The following LHFPL3 variants were observed in gnomAD, a reference collection of about 807,000 sequenced individuals.
LHFPL3 encodes the protein LHFPL tetraspan subfamily member 3.
A neutral mutation model predicts 19.3 loss-of-function variants in LHFPL3; 5 were observed. That is an observed-to-expected ratio of 0.26 (90% CI 0.14 to 0.54). The LOEUF (loss-of-function observed/expected upper bound fraction) is 0.54. Ranked by LOEUF, LHFPL3 falls within the 20% of genes least tolerant of loss-of-function variation. The pLI is 0.94. For missense variants in LHFPL3, 249 were observed against 307.4 expected (o/e 0.81, Z 1.42); for synonymous variants, 133 against 126.2 (o/e 1.05, Z -0.36).
At chr7:104,754,538 G>A (rs1239217846) in intron 2 of LHFPL3, among the ~76,000 whole-genome samples, 4 of 152,182 alleles carry the variant, frequency 2.6e-5, no homozygotes, top group Admixed American at 2.0e-4. Flanking sequence ...GCTTCTTCGT[G>A]TGTAAAATAT....
At position 104,724,572 on chromosome 7, in the gene LHFPL3, C is replaced by T. The variant is rs373613347; in HGVS notation, c.446-12103C>T. On this transcript the variant is annotated intron_variant, in intron 1 of 2. Coordinates refer to ENST00000424859, the MANE Select transcript of LHFPL3 (RefSeq NM_199000.3). The stretch of plus-strand genomic sequence containing the variant: ...ACTAAATGATGAGAACACATGGACA[C>T]ATACAGTGGAACGACACACACTGGG... Among the ~76,000 whole-genome samples the T allele has an allele frequency of 8.3e-4, 127 of 152,170 alleles. 2 individuals carry two copies. In the South Asian group the frequency reaches 0.018, roughly 21 times the overall value.
chr7:104,770,155 G>A (rs910001219), intron 2 of LHFPL3, among the ~76,000 whole-genome samples: 3 of 152,100 alleles, frequency 2.0e-5, no homozygotes, highest in Non-Finnish European at 2.9e-5. Context: ...CTCTTACAGA[G>A]TTATCAAGGA....
At position 104,640,696 on chromosome 7, in the gene LHFPL3, G is replaced by A. The variant is rs530166725; in HGVS notation, c.446-95979G>A. ...TAATGATCGCCGTTCTAACTGATGC[G>A]AGATGGTATCTCATTGTGGTTTTGA... On this transcript the variant is annotated intron_variant, in intron 1 of 2. Coordinates refer to ENST00000424859, the MANE Select transcript of LHFPL3 (RefSeq NM_199000.3). 3.9e-5 allele frequency among the ~76,000 whole-genome samples: 6 copies of A among 152,252 alleles called. No homozygotes were observed. The South Asian group carries it at 6.2e-4, about 16-fold the overall frequency.
chr7:104,721,762 T>C (rs542814508), intron 1 of LHFPL3, among the ~76,000 whole-genome samples: 1 of 152,316 alleles, frequency 6.6e-6, no homozygotes, highest in African/African-American at 2.4e-5. Flanking sequence ...AAATTCCTCT[T>C]TGCAGAAACT....
At chr7:104,423,582 G>A (rs762635562) in intron 1 of LHFPL3, among the ~76,000 whole-genome samples, 2 of 152,166 alleles carry the variant, frequency 1.3e-5, no homozygotes, top group Admixed American at 1.3e-4. Flanking sequence ...GATCACTTGA[G>A]CCCAGGAAGT....
intron 2 of LHFPL3, among the ~76,000 whole-genome samples, chr7:104,848,898 T>TG (rs1211122107): frequency 1.3e-5 from 2 of 151,802 alleles, no homozygotes; most frequent in African/African-American, 4.8e-5. Flanking sequence ...TTTGTTTTTT[T>TG]GGTTTTTTTT....
chr7:104,850,975 G>C (rs1196828589), intron 2 of LHFPL3, among the ~76,000 whole-genome samples: 1 of 152,150 alleles, frequency 6.6e-6, no homozygotes, highest in Non-Finnish European at 1.5e-5. Context: ...TCTGATGTGG[G>C]AGACCCACAG....
chr7:104,642,881 T>C (rs1256511356), intron 1 of LHFPL3, among the ~76,000 whole-genome samples: 1 of 152,262 alleles, frequency 6.6e-6, no homozygotes, highest in Non-Finnish European at 1.5e-5. Context: ...CAGCACCTGC[T>C]TCTTGAGCTG....
chr7:104,713,917 A>AC (rs1352419943), intron 1 of LHFPL3, among the ~76,000 whole-genome samples: 14 of 151,548 alleles, frequency 9.2e-5, no homozygotes, highest in Non-Finnish European at 1.8e-4. Context: ...AGTTTCCAAA[A>AC]CCCCCCTCAG....
intron 1 of LHFPL3, among the ~76,000 whole-genome samples, chr7:104,457,961 TG>T (rs1339263956): frequency 6.9e-6 from 1 of 144,244 alleles, no homozygotes; most frequent in African/African-American, 2.6e-5. Context: ...TTGATGGGGT[TG>T]TTTGTTTTTT....
intron 2 of LHFPL3, among the ~76,000 whole-genome samples, chr7:104,788,834 T>C (rs1300113641): frequency 6.6e-6 from 1 of 152,124 alleles, no homozygotes; most frequent in Admixed American, 6.5e-5. Flanking sequence ...GTTCCCTCTC[T>C]CACTCCTCAA....
At chr7:104,547,941 T>C (rs1213800735) in intron 1 of LHFPL3, among the ~76,000 whole-genome samples, 1 of 152,170 alleles carries the variant, frequency 6.6e-6, no homozygotes, top group Non-Finnish European at 1.5e-5. Flanking sequence ...ACAGTAAATA[T>C]CATCAAGTAC....
intron 2 of LHFPL3, among the ~76,000 whole-genome samples, chr7:104,775,210 G>T (rs938693177): frequency 2.0e-5 from 3 of 152,150 alleles, no homozygotes; most frequent in African/African-American, 7.2e-5. Flanking sequence ...TGGCCAACAT[G>T]GTGAAACCCC....
chr7:104,651,838 G>T (rs1293559657), intron 1 of LHFPL3, among the ~76,000 whole-genome samples: 3 of 152,178 alleles, frequency 2.0e-5, no homozygotes, highest in African/African-American at 7.2e-5. Flanking sequence ...ATCTGTCTGA[G>T]CCTCAGTTTC....
At chr7:104,565,230 T>C (rs17138697) in intron 1 of LHFPL3, among the ~76,000 whole-genome samples, 2,089 of 152,352 alleles carry the variant, frequency 0.014, 43 homozygotes, top group African/African-American at 0.047. Flanking sequence ...CCTGTGGAGA[T>C]AACTTTATTC....
intron 1 of LHFPL3, among the ~76,000 whole-genome samples, chr7:104,382,971 C>T (rs886700472): frequency 7.6e-4 from 40 of 52,676 alleles, no homozygotes; most frequent in African/African-American, 4.2e-3. Context: ...GAGATAAGTA[C>T]ATTATTTGCC....
intron 1 of LHFPL3, among the ~76,000 whole-genome samples, chr7:104,599,202 A>G (rs534045900): frequency 5.9e-5 from 9 of 152,366 alleles, no homozygotes; most frequent in African/African-American, 1.7e-4. Context: ...CTAATCAATG[A>G]GGGTTATTCC....
chr7:104,873,671 T>G (rs978447091), intron 2 of LHFPL3, among the ~76,000 whole-genome samples: 8 of 152,160 alleles, frequency 5.3e-5, no homozygotes, highest in Admixed American at 1.3e-4. Context: ...TGTTAATGTT[T>G]AAACTCTGAT....
intron 2 of LHFPL3, among the ~76,000 whole-genome samples, chr7:104,739,196 A>G (rs1562978215): frequency 6.6e-6 from 1 of 152,246 alleles, no homozygotes; most frequent in Non-Finnish European, 1.5e-5. Context: ...CTTGTATAAA[A>G]TTTAGTCAAA....
Sources: allele counts gnomAD v4.1 joint callset (sites outside exome capture counted in the v4.1 genomes callset), GRCh38; gene constraint gnomAD v4.1.1; transcripts MANE v1.5; gene names NCBI Gene and HGNC (gene_info 2026-07-23, HGNC 2026-07-21).